CCNH: variants seen among roughly 807,000 people sequenced by gnomAD.
CCNH encodes cyclin-H.
A neutral mutation model predicts 41.9 loss-of-function variants in CCNH; 31 were observed. That is an observed-to-expected ratio of 0.74 (90% CI 0.56 to 1.00). CCNH has a LOEUF of 1.00. Ranked by LOEUF, CCNH falls within the 50% of genes least tolerant of loss-of-function variation. CCNH has a pLI of 0.00. For missense variants in CCNH, 362 were observed against 388.4 expected (o/e 0.93, Z 0.57); for synonymous variants, 138 against 136.1 (o/e 1.01, Z -0.10).
Position 87,394,390 on chromosome 5 carries a change from T to TA in CCNH, c.*55_*56insT. The stretch of plus-strand genomic sequence containing the variant: ...TACTTTTTAAATAAAGTTAAACGTT[T>TA]GATATGCTTCCTACTTCTCTTGATT... On this transcript the variant is annotated 3_prime_UTR_variant, in exon 9 of 9. Coordinates refer to ENST00000256897, the MANE Select transcript of CCNH (RefSeq NM_001239.4). 3 of 1,582,454 alleles carry TA rather than the reference T, an allele frequency of 1.9e-6. No individual in the cohort carries two copies. Among genetic ancestry groups the TA allele is most frequent in the Non-Finnish European group, 2.6e-6 (3 of 1,163,838 alleles).
At chr5:87,389,021 C>CA (rs1447663826), downstream of CCNH, among the ~76,000 whole-genome samples, 3 of 152,026 alleles carry the variant, frequency 2.0e-5, no homozygotes, top group African/African-American at 7.3e-5. Context: ...ACAAAGGTTA[C>CA]AAAGTCTATA....
intron 9 of CCNH, among the ~76,000 whole-genome samples, chr5:87,339,762 A>G (rs543390503): frequency 6.6e-6 from 1 of 152,200 alleles, no homozygotes; most frequent in Non-Finnish European, 1.5e-5. Flanking sequence ...TAGTAACATT[A>G]TAAATTAATA....
intron 9 of CCNH, among the ~76,000 whole-genome samples, chr5:87,368,655 T>A (rs752719916): frequency 2.0e-5 from 3 of 152,232 alleles, no homozygotes; most frequent in African/African-American, 4.8e-5. Context: ...ATGGAAAGCC[T>A]GAAATTCATT....
chr5:87,362,798 C>T (rs1455754951), intron 9 of CCNH: 1 of 1,069,898 alleles, frequency 9.3e-7, no homozygotes. Flanking sequence ...TTGTTTAGAG[C>T]CCATATATAA....
chr5:87,316,120 A>G (rs1157818101), downstream of CCNH, among the ~76,000 whole-genome samples: 1 of 152,216 alleles, frequency 6.6e-6, no homozygotes, highest in Non-Finnish European at 1.5e-5. Context: ...ATGCTCTGAG[A>G]CCAGATCTGT....
chr5:87,369,667 T>A (rs1760785950), intron 9 of CCNH: 2 of 585,258 alleles, frequency 3.4e-6, no homozygotes, highest in South Asian at 5.0e-5. Context: ...GACTTTTTTT[T>A]AGTAATGATC....
chr5:87,325,654 G>C (rs1384391397), intron 9 of CCNH, among the ~76,000 whole-genome samples: 1 of 152,152 alleles, frequency 6.6e-6, no homozygotes, highest in Non-Finnish European at 1.5e-5. Context: ...TAACCAAAAG[G>C]AAAAACCAAG....
At chr5:87,362,758 G>A (rs1760211869) in intron 9 of CCNH, 3 of 1,459,610 alleles carry the variant, frequency 2.1e-6, no homozygotes, top group Non-Finnish European at 1.9e-6. Flanking sequence ...TATTTAATAA[G>A]TTTTGACATG....
chr5:87,331,207 G>T, intron 9 of CCNH: 1 of 1,031,568 alleles, frequency 9.7e-7, no homozygotes, highest in Non-Finnish European at 1.5e-6. Flanking sequence ...AGTTAAAATT[G>T]GAATAACTGG....
At chr5:87,355,576 T>C (rs1258669575) in intron 9 of CCNH, among the ~76,000 whole-genome samples, 1 of 152,236 alleles carries the variant, frequency 6.6e-6, no homozygotes, top group Non-Finnish European at 1.5e-5. Context: ...AAGGAGATTG[T>C]TGTTTTCATG....
intron 9 of CCNH, among the ~76,000 whole-genome samples, chr5:87,353,949 C>T (rs779474535): frequency 6.6e-6 from 1 of 151,982 alleles, no homozygotes; most frequent in Non-Finnish European, 1.5e-5. Context: ...CTTCAAAAGA[C>T]GGATTAATAA....
intron 9 of CCNH, chr5:87,369,816 A>G: frequency 6.2e-7 from 1 of 1,610,498 alleles, no homozygotes; most frequent in Non-Finnish European, 8.5e-7. Flanking sequence ...TTTAAAGGCC[A>G]AACTGTTTTC....
chr5:87,372,028 T>C, downstream of CCNH: 3 of 1,011,070 alleles, frequency 3.0e-6, no homozygotes, highest in Non-Finnish European at 4.2e-6. Context: ...AAGGAAAAAA[T>C]TGTTGAATTT....
upstream of CCNH, among the ~76,000 whole-genome samples, chr5:87,379,000 T>C (rs1453382992): frequency 6.6e-6 from 1 of 152,170 alleles, no homozygotes; most frequent in Non-Finnish European, 1.5e-5. Flanking sequence ...TATAAATTCA[T>C]AATACACTAT....
chr5:87,330,840 C>T (rs886793172), intron 9 of CCNH: 6 of 642,602 alleles, frequency 9.3e-6, no homozygotes, highest in African/African-American at 1.9e-5. Flanking sequence ...CACGTTCAAA[C>T]AGGAAATTAA....
chr5:87,399,653 A>T, intron 6 of CCNH, 148 bp from the exon 7 acceptor site: 1 of 635,614 alleles, frequency 1.6e-6, no homozygotes, highest in East Asian at 2.7e-5. Context: ...TCTGCATTTC[A>T]TTCTACATTA....
At chr5:87,394,723 C>T in intron 8 of CCNH, 6 of 1,330,082 alleles carry the variant, frequency 4.5e-6, no homozygotes, top group East Asian at 5.7e-5. Context: ...ACTTATTTGA[C>T]TTGACAGATA....
At chr5:87,387,014 CA>C, downstream of CCNH, 1 of 1,040,194 alleles carries the variant, frequency 9.6e-7, no homozygotes. Flanking sequence ...ACTAAAAAGA[CA>C]AAAAGCCTGC....
intron 9 of CCNH, chr5:87,363,500 G>T: frequency 1.2e-6 from 2 of 1,610,906 alleles, no homozygotes; most frequent in South Asian, 2.2e-5. Context: ...TAGTCTCTTT[G>T]GCAGGTAAGA....
Sources: gnomAD v4.1 joint callset for allele counts (sites outside exome capture counted in the v4.1 genomes callset) on GRCh38, gnomAD v4.1.1 for gene constraint, MANE v1.5 for transcripts, NCBI Gene and HGNC (gene_info 2026-07-23, HGNC 2026-07-21) for gene names.